ASB13: variants seen among roughly 807,000 people sequenced by gnomAD.
ASB13 encodes the protein ankyrin repeat and SOCS box protein 13.
A neutral mutation model predicts 28.8 loss-of-function variants in ASB13; 33 were observed. That is an observed-to-expected ratio of 1.15 (90% confidence interval 0.87 to 1.53). The LOEUF is 1.53. Among genes scored for constraint, ASB13 ranks in the 40% most tolerant of loss-of-function variants. The pLI, the probability that ASB13 is intolerant of heterozygous loss-of-function variation, is 0.00. For synonymous variants in ASB13, 182 were observed against 172.9 expected (o/e 1.05, Z -0.41); for missense variants, 414 against 390.1 (o/e 1.06, Z -0.52).
Position 5,655,118 on chromosome 10 carries a change from A to AT in ASB13, c.44-2069_44-2068insA, listed in dbSNP as rs1479324321. Among the ~76,000 whole-genome samples the AT allele has an allele frequency of 6.6e-6, 1 of 151,510 alleles. No homozygotes were observed. The highest frequency in any genetic ancestry group is 1.5e-5 in the Non-Finnish European group (1 of 67,888). ...ACTCTGTCTTTAAAAAAAAAAAAAA[A>AT]GTGTCTGCATCGAATTTCCTCTGCA... On this transcript the variant is annotated intron_variant, in intron 1 of 5. Transcript: ENST00000357700. This position sits in a 1 kb window ranked among gnomAD's most constrained non-coding sequence, Gnocchi z 6.2.
At chr10:5,666,018 C>T (rs540428194) in intron 1 of ASB13, among the ~76,000 whole-genome samples, 9 of 152,316 alleles carry the variant, frequency 5.9e-5, no homozygotes, top group African/African-American at 2.2e-4. Context: ...TTCACTGGAG[C>T]GGAGTCGGGG....
chr10:5,642,538 GCAGA>G lies in ASB13; in HGVS notation c.518-581_518-578del. On this transcript the variant is annotated intron_variant, in intron 4 of 5. Coordinates refer to ENST00000357700, the MANE Select transcript of ASB13 (RefSeq NM_024701.4). The surrounding 1 kb of genome is among the most constrained non-coding windows in gnomAD (Gnocchi z 4.1). ...ACTCCTCAACTTTCTCACGATAAGA[GCAGA>G]CATTCATCAAGCTGATTAAAAGTAA... The G allele has an allele frequency of 1.6e-6, 2 of 1,251,284 alleles. No individual in the cohort carries two copies. The highest frequency in any genetic ancestry group is 2.0e-6 in the Non-Finnish European group (2 of 977,642). The allele number at this position is 1,251,284 out of a possible 1,614,324, so 77.5% of individuals were successfully genotyped here. A position where few individuals can be genotyped will look rare whatever the true frequency, so the allele number is the denominator to read the frequency against.
chr10:5,662,532 AG>A (rs1175302210), intron 1 of ASB13, among the ~76,000 whole-genome samples: 1 of 17,596 alleles, frequency 5.7e-5, no homozygotes, highest in African/African-American at 2.4e-4. Flanking sequence ...TCTGTCGAGA[AG>A]GGGGGGGGAG....
At position 5,641,238 on chromosome 10, in the gene ASB13, AT is replaced by A. The variant is rs1252215546; in HGVS notation, c.710-409del. Among the ~76,000 whole-genome samples the A allele has an allele frequency of 2.0e-5, 3 of 152,110 alleles. No homozygotes were observed. The highest frequency in any genetic ancestry group is 4.4e-5 in the Non-Finnish European group (3 of 68,030). On this transcript the variant is annotated intron_variant, in intron 5 of 5. Transcript: ENST00000357700. This position sits in a 1 kb window ranked among gnomAD's most constrained non-coding sequence, Gnocchi z 8.4. ...TGCCTCAACCTCCCGAGTAGCTGGG[AT>A]TACAGGCACCCACCACCATGCCCGC...
At chr10:5,665,826 G>A (rs1040401864) in intron 1 of ASB13, among the ~76,000 whole-genome samples, 2 of 151,922 alleles carry the variant, frequency 1.3e-5, no homozygotes, top group African/African-American at 4.8e-5. Context: ...GGCTTTCATA[G>A]TGCTTCCGTC....
At position 5,664,672 on chromosome 10, in the gene ASB13, CTTTATTTA is replaced by C. The variant is rs1162861713; in HGVS notation, c.43+1829_43+1836del. 2.0e-5 allele frequency among the ~76,000 whole-genome samples: 3 copies of C among 151,892 alleles called. No homozygotes were observed. The highest frequency in any genetic ancestry group is 2.1e-4 in the South Asian group (1 of 4,830). ...TAGGGAATGCAGAATTTCTTTATTT[CTTTATTTA>C]TTTATTTTATTTATTTTTGAGACGG... On this transcript the variant is annotated intron_variant, in intron 1 of 5. Transcript: ENST00000357700. This position sits in a 1 kb window ranked among gnomAD's most constrained non-coding sequence, Gnocchi z 4.2.
At position 5,656,021 on chromosome 10, in the gene ASB13, T is replaced by A. The variant is rs11257244; in HGVS notation, c.44-2971A>T. The stretch of plus-strand genomic sequence containing the variant: ...CGCAGATAATTCACAACATGACAAC[T>A]GCGATCATGTCTGGTGACAGGGACT... On this transcript the variant is annotated intron_variant, in intron 1 of 5. Transcript: ENST00000357700. The surrounding 1 kb of genome is among the most constrained non-coding windows in gnomAD (Gnocchi z 4.3). 6.6e-6 allele frequency among the ~76,000 whole-genome samples: 1 copy of A among 152,176 alleles called. No individual in the cohort carries two copies. Among genetic ancestry groups the A allele is most frequent in the Non-Finnish European group, 1.5e-5 (1 of 68,026 alleles).
rs1296601273 is a variant in ASB13 at position 5,663,659 on chromosome 10, T to C, written c.43+2850A>G. ...GGCAATGTCTCCCAGGGCTGCCGAG[T>C]CGAGGAGGAGGATAGAGGTACTGTT... On this transcript the variant is annotated intron_variant, in intron 1 of 5. Coordinates refer to ENST00000357700, the MANE Select transcript of ASB13 (RefSeq NM_024701.4). This position sits in a 1 kb window ranked among gnomAD's most constrained non-coding sequence, Gnocchi z 4.9. 2.6e-5 allele frequency among the ~76,000 whole-genome samples: 4 copies of C among 152,180 alleles called. No individual in the cohort carries two copies. The highest frequency in any genetic ancestry group is 1.5e-5 in the Non-Finnish European group (1 of 68,028).
chr10:5,652,700 G>T lies in ASB13; in HGVS notation c.231+163C>A, dbSNP rs1017152185. On this transcript the variant is annotated intron_variant, in intron 2 of 5. Coordinates refer to ENST00000357700, the MANE Select transcript of ASB13 (RefSeq NM_024701.4). The surrounding 1 kb of genome is among the most constrained non-coding windows in gnomAD (Gnocchi z 5.0). ...CTTCCACCACCGTGACCTCCTAACAGCCAGGTCCACGAGCACTTCTCAGCC... is the reference window on the plus strand; with the variant it reads ...CTTCCACCACCGTGACCTCCTAACATCCAGGTCCACGAGCACTTCTCAGCC... Among the ~76,000 whole-genome samples the T allele has an allele frequency of 1.3e-5, 2 of 152,170 alleles. No individual in the cohort carries two copies. The highest frequency in any genetic ancestry group is 2.4e-5 in the African/African-American group (1 of 41,442).
At chr10:5,666,306 G>A (rs1450292089) in intron 1 of ASB13, among the ~76,000 whole-genome samples, 1 of 152,144 alleles carries the variant, frequency 6.6e-6, no homozygotes, top group Non-Finnish European at 1.5e-5. Context: ...CCTGGGACAA[G>A]GCACCAGACA....
rs12268569 is a variant in ASB13, at chr10:5,642,154, A to G, written c.518-193T>C. ...AAAGCAGGAACTACTTACTGTCCCC[A>G]CTCATGAGAGATAAAGGTAGGCAGC... On this transcript the variant is annotated intron_variant, in intron 4 of 5. Coordinates refer to ENST00000357700, the MANE Select transcript of ASB13 (RefSeq NM_024701.4). The surrounding 1 kb of genome is among the most constrained non-coding windows in gnomAD (Gnocchi z 4.1). Among the ~76,000 whole-genome samples the G allele has an allele frequency of 0.015, 2,257 of 152,294 alleles. 55 individuals are homozygous for G. The highest frequency in any genetic ancestry group is 0.05 in the African/African-American group (2,059 of 41,542).
Position 5,642,442 on chromosome 10 carries a change from T to G in ASB13, c.518-481A>C. The G allele has an allele frequency of 9.1e-7, 1 of 1,100,240 alleles. No homozygotes were observed. The highest frequency in any genetic ancestry group is 1.1e-6 in the Non-Finnish European group (1 of 871,988). The allele number at this position is 1,100,240 out of a possible 1,614,324, so 68.2% of individuals were successfully genotyped here. ...AATAAATGTTCCTTAACAATGCATA[T>G]TCTTTTACAAAAGGAAAACAGATAA... is the stretch of plus-strand genomic sequence containing the variant. On this transcript the variant is annotated intron_variant, in intron 4 of 5. Transcript: ENST00000357700. The surrounding 1 kb of genome is among the most constrained non-coding windows in gnomAD (Gnocchi z 4.1).
At chr10:5,657,014 C>A (rs1835085582) in intron 1 of ASB13, among the ~76,000 whole-genome samples, 1 of 152,130 alleles carries the variant, frequency 6.6e-6, no homozygotes, top group South Asian at 2.1e-4. Flanking sequence ...CAGTAAGCAG[C>A]CAAATCTGGG....
rs1309622676 is a variant in ASB13 at position 5,656,843 on chromosome 10, T to A, written c.44-3793A>T. 6.6e-6 allele frequency among the ~76,000 whole-genome samples: 1 copy of A among 152,172 alleles called. No homozygotes were observed. Among genetic ancestry groups the A allele is most frequent in the Non-Finnish European group, 1.5e-5 (1 of 68,026 alleles). On this transcript the variant is annotated intron_variant, in intron 1 of 5. Coordinates refer to ENST00000357700, the MANE Select transcript of ASB13 (RefSeq NM_024701.4). This position sits in a 1 kb window ranked among gnomAD's most constrained non-coding sequence, Gnocchi z 4.3. ...TCACTGGTCCTTGGTTACCTCTTGA[T>A]CCCAACAGCCTCTTTTTCCCACTGC... is the stretch of plus-strand genomic sequence containing the variant.
In ASB13 at chr10:5,662,564, G is replaced by GAA. The variant is rs1308965295; in HGVS notation, c.43+3944_43+3945insTT. On this transcript the variant is annotated intron_variant, in intron 1 of 5. Transcript: ENST00000357700. ...GGGAGGGGAGGGGAGGGGAGGGGAG[G>GAA]GGAGAAGAGAAGAGAAGAGAAGAGA... Among the ~76,000 whole-genome samples, 8 of 19,140 alleles carry GAA rather than the reference G, an allele frequency of 4.2e-4. 2 individuals carry two copies. Among genetic ancestry groups the GAA allele is most frequent in the African/African-American group, 1.1e-3 (4 of 3,774 alleles). 12.6% of individuals were successfully genotyped at this position (19,140 alleles called of 152,430 possible).
intron 4 of ASB13, among the ~76,000 whole-genome samples, chr10:5,643,158 G>A (rs776007086): frequency 5.9e-5 from 9 of 152,236 alleles, no homozygotes; most frequent in South Asian, 2.1e-4. Flanking sequence ...AAAATAATTC[G>A]CCAAATGATA....
rs5782851 is a variant in ASB13 at position 5,652,026 on chromosome 10, C to CCACA, written c.232-667_232-664dup. 0.019 allele frequency among the ~76,000 whole-genome samples: 1,092 copies of CCACA among 58,906 alleles called. 29 individuals are homozygous for CCACA. Among genetic ancestry groups the CCACA allele is most frequent in the South Asian group, 0.022 (29 of 1,348 alleles). The allele number at this position is 58,906 out of a possible 152,430, so 38.6% of individuals were successfully genotyped here. On this transcript the variant is annotated intron_variant, in intron 2 of 5. Coordinates refer to ENST00000357700, the MANE Select transcript of ASB13 (RefSeq NM_024701.4). The surrounding 1 kb of genome is among the most constrained non-coding windows in gnomAD (Gnocchi z 5.0). ...CAAAAAAAAAAAAAAAAAAAAAAAA[C>CCACA]CACACACACACACACACACACACAC...
rs759194290 is a variant in ASB13, at chr10:5,641,739, G to A, written c.709+31C>T. ...CAGGGGTCCAGGCTGAAGGCTGGAG[G>A]GGATGGGGTGCGCTCGGTGGGGTGT... On this transcript the variant is annotated intron_variant, in intron 5 of 5. Coordinates refer to ENST00000357700, the MANE Select transcript of ASB13 (RefSeq NM_024701.4). This position sits in a 1 kb window ranked among gnomAD's most constrained non-coding sequence, Gnocchi z 8.4. 1.6e-5 allele frequency: 24 copies of A among 1,541,186 alleles called. No homozygotes were observed. In the South Asian group the frequency reaches 2.9e-4, roughly 18 times the overall value.
intron 1 of ASB13, among the ~76,000 whole-genome samples, chr10:5,654,377 A>G (rs1257261114): frequency 2.0e-5 from 3 of 151,988 alleles, no homozygotes; most frequent in Admixed American, 6.5e-5. Flanking sequence ...CTGCCTGAAG[A>G]CAGGACCTAC....
Sources: gnomAD v4.1 joint callset for allele counts (sites outside exome capture counted in the v4.1 genomes callset) on GRCh38, gnomAD v4.1.1 for gene constraint, Gnocchi (gnomAD v3.1) non-coding constraint, MANE v1.5 for transcripts, NCBI Gene and HGNC (gene_info 2026-07-23, HGNC 2026-07-21) for gene names.